Variants in NEK11 observed in about 807,000 individuals in gnomAD.
NEK11 encodes NIMA related kinase 11, also known as serine/threonine-protein kinase Nek11.
Under a neutral mutation model 80.7 loss-of-function variants are expected in NEK11, and 72 were observed. The observed-to-expected ratio is 0.89, with a 90% confidence interval of 0.74 to 1.08. NEK11 has a LOEUF of 1.08. NEK11 is among the 50% of genes least tolerant of loss of function. NEK11 has a pLI of 0.00. For missense variants in NEK11, 764 were observed against 763.6 expected (o/e 1.00, Z -0.01); for synonymous variants, 251 against 260.7 (o/e 0.96, Z 0.36).
Position 131,153,986 on chromosome 3 carries a change from C to T in NEK11, c.877-1050C>T, listed in dbSNP as rs549963275. Among the ~76,000 whole-genome samples the T allele has an allele frequency of 2.6e-5, 4 of 152,290 alleles. No homozygotes were observed. The South Asian group carries it at 8.3e-4, about 32-fold the overall frequency. On this transcript the variant is annotated intron_variant, in intron 9 of 17. Coordinates refer to ENST00000383366, the MANE Select transcript of NEK11 (RefSeq NM_024800.5). ...CCAGCCATGTAAAGAGCCTCAGAAA[C>T]AGTGTTTGAATCACAGGGAATAGCT...
intron 17 of NEK11, among the ~76,000 whole-genome samples, chr3:131,304,156 G>A (rs2096696137): frequency 6.6e-6 from 1 of 152,128 alleles, no homozygotes; most frequent in African/African-American, 2.4e-5. Flanking sequence ...TGGAGAACCA[G>A]CATTTGAGCT....
chr3:131,333,980 G>T (rs534522452), intron 17 of NEK11, among the ~76,000 whole-genome samples: 35 of 152,156 alleles, frequency 2.3e-4, no homozygotes, highest in African/African-American at 7.5e-4. Context: ...AGTCCTGAGT[G>T]ACCTACAGAG....
At chr3:131,205,053 T>A (rs1288049741) in intron 14 of NEK11, among the ~76,000 whole-genome samples, 2 of 152,138 alleles carry the variant, frequency 1.3e-5, no homozygotes, top group African/African-American at 2.4e-5. Context: ...GGAGGCCAAG[T>A]GGACTGGCGA....
intron 14 of NEK11, among the ~76,000 whole-genome samples, chr3:131,226,202 A>T (rs918040171): frequency 9.2e-5 from 14 of 152,190 alleles, no homozygotes; most frequent in African/African-American, 3.4e-4. Flanking sequence ...TCTGTCTTTC[A>T]TTCCACTCAG....
At chr3:131,119,563 A>C (rs1421971074) in intron 5 of NEK11, among the ~76,000 whole-genome samples, 1 of 152,154 alleles carries the variant, frequency 6.6e-6, no homozygotes, top group Non-Finnish European at 1.5e-5. Flanking sequence ...TAATGTTGAC[A>C]GTGGGATGTT....
chr3:131,103,835 G>C (rs971466669), intron 4 of NEK11, among the ~76,000 whole-genome samples: 1 of 152,170 alleles, frequency 6.6e-6, no homozygotes, highest in African/African-American at 2.4e-5. Context: ...CCACTCAAGT[G>C]CCTTAGTACT....
intron 16 of NEK11, among the ~76,000 whole-genome samples, chr3:131,269,747 A>G (rs184256357): frequency 9.8e-5 from 15 of 152,324 alleles, no homozygotes; most frequent in Non-Finnish European, 2.9e-5. Flanking sequence ...GCTATTTTTC[A>G]GAAAGCAGAG....
At chr3:131,216,204 T>G (rs930474823) in intron 14 of NEK11, among the ~76,000 whole-genome samples, 1 of 152,136 alleles carries the variant, frequency 6.6e-6, no homozygotes, top group African/African-American at 2.4e-5. Flanking sequence ...ATGAGAACTA[T>G]CTGGAAAGCA....
rs139042826 is a variant in NEK11, at chr3:131,281,096, T to C, written c.1718+7522T>C. Among the ~76,000 whole-genome samples, 910 of 152,364 alleles carry C rather than the reference T, an allele frequency of 6.0e-3. 9 individuals are homozygous for C. Among genetic ancestry groups the C allele is most frequent in the Middle Eastern group, 0.014 (4 of 294 alleles). On this transcript the variant is annotated intron_variant, in intron 17 of 17. Transcript: ENST00000383366. ...CTACACTCAGCTGAATCACACTGTATGTGTGGGTATACACAGGTTTATTGA... is the reference window on the plus strand; with the variant it reads ...CTACACTCAGCTGAATCACACTGTACGTGTGGGTATACACAGGTTTATTGA...
chr3:131,315,733 G>GT (rs1271842850), intron 17 of NEK11, among the ~76,000 whole-genome samples: 1 of 151,788 alleles, frequency 6.6e-6, no homozygotes, highest in African/African-American at 2.4e-5. Flanking sequence ...ACAGGCCCCA[G>GT]TGTGTGTTGT....
intron 16 of NEK11, among the ~76,000 whole-genome samples, chr3:131,258,383 G>C (rs1254186005): frequency 6.6e-6 from 1 of 152,178 alleles, no homozygotes. Flanking sequence ...CTTTCCTTAA[G>C]TATTTGAATC....
chr3:131,267,556 C>G (rs187221624), intron 16 of NEK11, among the ~76,000 whole-genome samples: 2 of 152,218 alleles, frequency 1.3e-5, no homozygotes, highest in African/African-American at 4.8e-5. Context: ...GCTGAGAGAG[C>G]CACTGTTAGT....
At chr3:131,334,868 G>A (rs2097155125) in intron 17 of NEK11, among the ~76,000 whole-genome samples, 1 of 152,174 alleles carries the variant, frequency 6.6e-6, no homozygotes, top group Non-Finnish European at 1.5e-5. Flanking sequence ...AGAAAATCTA[G>A]AAGAAATGGA....
intron 17 of NEK11, among the ~76,000 whole-genome samples, chr3:131,334,297 C>G (rs1397985742): frequency 1.3e-5 from 2 of 152,140 alleles, no homozygotes; most frequent in South Asian, 4.1e-4. Context: ...CAAACTAGAT[C>G]TCAGCATTAA....
intron 10 of NEK11, among the ~76,000 whole-genome samples, chr3:131,159,765 CA>C: frequency 6.6e-6 from 1 of 150,450 alleles, no homozygotes; most frequent in East Asian, 2.0e-4. Context: ...ACTCCATCTC[CA>C]AAAAAAAAGA....
intron 3 of NEK11, among the ~76,000 whole-genome samples, chr3:131,065,060 A>G (rs1480930959): frequency 1.3e-5 from 2 of 152,230 alleles, no homozygotes; most frequent in African/African-American, 2.4e-5. Context: ...CAACACAGTT[A>G]TCATGCCCTT....
At chr3:131,185,252 G>T (rs1042511819) in intron 14 of NEK11, among the ~76,000 whole-genome samples, 1 of 152,162 alleles carries the variant, frequency 6.6e-6, no homozygotes, top group Non-Finnish European at 1.5e-5. Flanking sequence ...ATAGGACAGA[G>T]TTAGAAGTAT....
In NEK11 at chr3:131,290,110, T is replaced by A. The variant is rs990733219; in HGVS notation, c.1718+16536T>A. ...GAACAGACAAATAATTATGAGACAC[T>A]GAAATGTATTTTCCCATGCAAGTCA... On this transcript the variant is annotated intron_variant, in intron 17 of 17. Transcript: ENST00000383366. Among the ~76,000 whole-genome samples the A allele has an allele frequency of 2.6e-5, 4 of 152,240 alleles. 1 individual carries two copies. The highest frequency in any genetic ancestry group is 3.2e-3 in the Middle Eastern group (1 of 316).
chr3:131,333,920 A>C (rs1166932432), intron 17 of NEK11, among the ~76,000 whole-genome samples: 1 of 152,230 alleles, frequency 6.6e-6, no homozygotes, highest in Non-Finnish European at 1.5e-5. Context: ...AAAGCTAACT[A>C]TCCTAAATGT....
Sources: gnomAD v4.1 joint callset for allele counts (sites outside exome capture counted in the v4.1 genomes callset) on GRCh38, gnomAD v4.1.1 for gene constraint, MANE v1.5 for transcripts, NCBI Gene and HGNC (gene_info 2026-07-23, HGNC 2026-07-21) for gene names.